The following ARID4B variants were observed in gnomAD, a reference collection of about 807,000 sequenced individuals.
ARID4B encodes the protein AT-rich interactive domain-containing protein 4B.
ARID4B carries 26 observed loss-of-function variants against 147.5 expected under a neutral mutation model. That is an observed-to-expected ratio of 0.18 (90% CI 0.13 to 0.24). The LOEUF is 0.24. ARID4B is among the 10% of genes least tolerant of loss of function. The probability of loss-of-function intolerance (pLI) is 1.00; values close to 1 mark genes in which losing one functional copy is unlikely to be tolerated. For synonymous variants in ARID4B, 512 were observed against 507.9 expected (o/e 1.01, Z -0.11); for missense variants, 1,179 against 1,511.5 (o/e 0.78, Z 3.65).
In ARID4B at chr1:235,299,653, T is replaced by C. The variant is rs765087369; in HGVS notation, c.6+27261A>G. 7.5e-4 allele frequency among the ~76,000 whole-genome samples: 114 copies of C among 152,362 alleles called. 1 individual carries two copies. The highest frequency in any genetic ancestry group is 7.7e-4 in the East Asian group (4 of 5,190). ...GCCTATCAGTGTTTAATGGTATCATTTGAGATCTGAATCCTGGCACTGGTT... is the reference window on the plus strand; with the variant it reads ...GCCTATCAGTGTTTAATGGTATCATCTGAGATCTGAATCCTGGCACTGGTT... On this transcript the variant is annotated intron_variant, in intron 2 of 23. Transcript: ENST00000264183.
intron 2 of ARID4B, among the ~76,000 whole-genome samples, chr1:235,304,601 C>T (rs1673414094): frequency 6.6e-6 from 1 of 152,076 alleles, no homozygotes; most frequent in African/African-American, 2.4e-5. Context: ...TCTGTTTTTC[C>T]ACCATTGTGC....
chr1:235,255,256 T>C (rs1429545304), intron 5 of ARID4B, among the ~76,000 whole-genome samples: 1 of 129,298 alleles, frequency 7.7e-6, no homozygotes, highest in East Asian at 2.1e-4. Flanking sequence ...GATAGATAGA[T>C]AGATAGATAT....
At chr1:235,254,328 A>T (rs1022785753) in intron 5 of ARID4B, among the ~76,000 whole-genome samples, 3 of 152,120 alleles carry the variant, frequency 2.0e-5, no homozygotes, top group Non-Finnish European at 2.9e-5. Context: ...GAGGTCATTA[A>T]ATGGTAAGAA....
intron 2 of ARID4B, among the ~76,000 whole-genome samples, chr1:235,308,176 T>G (rs1187424162): frequency 6.8e-6 from 1 of 145,996 alleles, no homozygotes; most frequent in South Asian, 2.2e-4. Context: ...CTCAGCTCAC[T>G]GCAACCTCCG....
chr1:235,272,306 A>G (rs1671044446), intron 2 of ARID4B, among the ~76,000 whole-genome samples: 1 of 152,144 alleles, frequency 6.6e-6, no homozygotes, highest in African/African-American at 2.4e-5. Context: ...AATGATTCCT[A>G]TCTGTCCTCT....
Position 235,177,920 on chromosome 1 carries a change from A to G in ARID4B, c.3335-7T>C. The G allele has an allele frequency of 6.6e-7, 1 of 1,515,172 alleles. No individual in the cohort carries two copies. Among genetic ancestry groups the G allele is most frequent in the Non-Finnish European group, 9.0e-7 (1 of 1,116,914 alleles). The allele number at this position is 1,515,172 out of a possible 1,614,324, so 93.9% of individuals were successfully genotyped here. ...CTTTTCTGACCTGTACAGGCTATGA[A>G]GGGAAAGGAATTAAGTAACACAAAA... On this transcript the variant is annotated splice_region_variant and splice_polypyrimidine_tract_variant and intron_variant, in intron 20 of 23. Coordinates refer to ENST00000264183, the MANE Select transcript of ARID4B (RefSeq NM_016374.6).
At chr1:235,313,730 AGAG>A (rs1474492498) in intron 2 of ARID4B, among the ~76,000 whole-genome samples, 2 of 152,186 alleles carry the variant, frequency 1.3e-5, no homozygotes, top group Non-Finnish European at 2.9e-5. Context: ...AAATTAGGAG[AGAG>A]GAGATGTATT....
At chr1:235,302,177 A>AAAC (rs1328896810) in intron 2 of ARID4B, among the ~76,000 whole-genome samples, 2 of 120,176 alleles carry the variant, frequency 1.7e-5, no homozygotes, top group South Asian at 2.6e-4. Flanking sequence ...AAAAAAAAAA[A>AAAC]CAGCAAAAAA....
chr1:235,225,836 GGT>G (rs1667794793), intron 11 of ARID4B, among the ~76,000 whole-genome samples: 1 of 151,996 alleles, frequency 6.6e-6, no homozygotes, highest in African/African-American at 2.4e-5. Flanking sequence ...AACAAAGAAA[GGT>G]AATTTTTTTT....
intron 17 of ARID4B, among the ~76,000 whole-genome samples, chr1:235,200,993 A>C (rs1393425257): frequency 1.3e-5 from 2 of 151,984 alleles, no homozygotes; most frequent in Non-Finnish European, 2.9e-5. Flanking sequence ...AATACAAAAA[A>C]AATTAGCTGG....
At chr1:235,251,965 T>C (rs1241614836) in intron 6 of ARID4B, among the ~76,000 whole-genome samples, 1 of 152,220 alleles carries the variant, frequency 6.6e-6, no homozygotes, top group Admixed American at 6.5e-5. Context: ...GCTCTAGCTA[T>C]CCATTTCCTA....
intron 2 of ARID4B, among the ~76,000 whole-genome samples, chr1:235,290,206 A>G (rs2103208068): frequency 6.6e-6 from 1 of 152,226 alleles, no homozygotes; most frequent in South Asian, 2.1e-4. Context: ...GAAATAAAAA[A>G]TGCAGGCCGG....
chr1:235,308,083 ATTTTTTTTT>A (rs368457519), intron 2 of ARID4B, among the ~76,000 whole-genome samples: 9 of 102,774 alleles, frequency 8.8e-5, no homozygotes, highest in South Asian at 3.7e-4. Context: ...ATTTCTTCTA[ATTTTTTTTT>A]TTTTTTTTTT....
intron 6 of ARID4B, among the ~76,000 whole-genome samples, chr1:235,251,210 G>A (rs1350619753): frequency 7.3e-6 from 1 of 136,320 alleles, no homozygotes; most frequent in African/African-American, 2.5e-5. Flanking sequence ...CAGCAAAAAT[G>A]AGAAAAGTTA....
chr1:235,187,077 CTTTTTTT>C (rs11335836), intron 19 of ARID4B: 47 of 267,122 alleles, frequency 1.8e-4, no homozygotes, highest in Non-Finnish European at 2.2e-4. Context: ...GCATCTTATT[CTTTTTTT>C]TTTTTTTTTT....
At chr1:235,190,956 CGCCTCTCTGTA>C (rs1169694964) in intron 19 of ARID4B, among the ~76,000 whole-genome samples, 1 of 152,170 alleles carries the variant, frequency 6.6e-6, no homozygotes, top group Non-Finnish European at 1.5e-5. Context: ...TACCTGCTAC[CGCCTCTCTGTA>C]GTCTTTGAAT....
chr1:235,192,891 G>C (rs1010035004), intron 19 of ARID4B, among the ~76,000 whole-genome samples: 36 of 151,962 alleles, frequency 2.4e-4, no homozygotes, highest in African/African-American at 8.7e-4. Context: ...GGATCATAAG[G>C]TCAGGAGATC....
rs773868239 is a variant in ARID4B, at chr1:235,201,382, C to T, written c.1842-5267G>A. On this transcript the variant is annotated intron_variant, in intron 17 of 23. Coordinates refer to ENST00000264183, the MANE Select transcript of ARID4B (RefSeq NM_016374.6). Reference sequence around the variant, plus strand: ...AGTCTCTGTTGCTCAGACTGGAGTGCGGTAGCGCCATCCTGGCTCACTGCA... The same window carrying T: ...AGTCTCTGTTGCTCAGACTGGAGTGTGGTAGCGCCATCCTGGCTCACTGCA... 1.3e-3 allele frequency among the ~76,000 whole-genome samples: 196 copies of T among 151,386 alleles called. 1 individual carries two copies. Among genetic ancestry groups the T allele is most frequent in the African/African-American group, 4.6e-3 (190 of 41,202 alleles).
At chr1:235,201,329 TC>T (rs1665903015) in intron 17 of ARID4B, among the ~76,000 whole-genome samples, 1 of 151,870 alleles carries the variant, frequency 6.6e-6, no homozygotes, top group African/African-American at 2.4e-5. Context: ...ACGAGAATCT[TC>T]TTTTTTTTTT....
Sources: gnomAD v4.1 joint callset for allele counts (sites outside exome capture counted in the v4.1 genomes callset) on GRCh38, gnomAD v4.1.1 for gene constraint, MANE v1.5 for transcripts, NCBI Gene and HGNC (gene_info 2026-07-23, HGNC 2026-07-21) for gene names.